GSDMC: variants seen among roughly 807,000 people sequenced by gnomAD.
GSDMC encodes gasdermin C.
Under a neutral mutation model 58.0 loss-of-function variants are expected in GSDMC, and 59 were observed. The ratio of observed to expected loss-of-function variants is 1.02; its 90% CI spans 0.82 to 1.26. The LOEUF is 1.26. Among genes scored for constraint, GSDMC ranks in the 50% most tolerant of loss-of-function variants. The pLI is 0.00. For missense variants in GSDMC, 659 were observed against 598.5 expected (o/e 1.10, Z -1.06); for synonymous variants, 241 against 220.2 (o/e 1.09, Z -0.83).
chr8:129,734,683 C>A, the GSDMC span, among the ~76,000 whole-genome samples: 1 of 152,184 alleles, frequency 6.6e-6, no homozygotes, highest in Non-Finnish European at 1.5e-5. Context: ...TGGAAAGGAA[C>A]AACTGGTACC....
At chr8:129,776,615 C>A (rs2034234708) in intron 2 of GSDMC, among the ~76,000 whole-genome samples, 1 of 152,172 alleles carries the variant, frequency 6.6e-6, no homozygotes, top group African/African-American at 2.4e-5. Flanking sequence ...GGCACAGCAC[C>A]CAGCAGCAGA....
rs146197094 is a variant in GSDMC at position 129,766,517 on chromosome 8, T to G, written c.405-724A>C. Among the ~76,000 whole-genome samples, 841 of 152,272 alleles carry G rather than the reference T, an allele frequency of 5.5e-3. 7 individuals are homozygous for G. The highest frequency in any genetic ancestry group is 0.02 in the African/African-American group (816 of 41,546). ...GTAGAGAAGGTTACTGCGCACACAA[T>G]ATTAGGTTTTGTCATTGCTGTCTTC... On this transcript the variant is annotated intron_variant, in intron 3 of 13. Transcript: ENST00000276708.
At chr8:129,725,689 G>A in the GSDMC span, among the ~76,000 whole-genome samples, 5 of 152,044 alleles carry the variant, frequency 3.3e-5, no homozygotes, top group Admixed American at 2.0e-4. Context: ...AGAAAAGCTT[G>A]TTGGGCATCA....
intron 11 of GSDMC, 53 bp from the exon 12 acceptor site, chr8:129,750,172 TA>T: frequency 2.9e-6 from 4 of 1,389,552 alleles, no homozygotes; most frequent in Non-Finnish European, 3.9e-6. Flanking sequence ...AGTAATGTTA[TA>T]TAATTTGCCT....
chr8:129,745,060 C>T (rs990456637), downstream of GSDMC, among the ~76,000 whole-genome samples: 2 of 152,082 alleles, frequency 1.3e-5, no homozygotes, highest in Admixed American at 6.6e-5. Context: ...GATTTCTTCC[C>T]ACTCCCTCTT....
chr8:129,711,343 T>C, the GSDMC span, among the ~76,000 whole-genome samples: 1 of 152,152 alleles, frequency 6.6e-6, no homozygotes, highest in South Asian at 2.1e-4. Flanking sequence ...CTCTTTCTTT[T>C]ACAGATGGGA....
the GSDMC span, chr8:129,728,669 G>T: frequency 2.9e-6 from 1 of 347,550 alleles, no homozygotes; most frequent in Non-Finnish European, 5.5e-6. Flanking sequence ...CAAGGATCAA[G>T]TATATACCCA....
chr8:129,736,323 AC>A, the GSDMC span, among the ~76,000 whole-genome samples: 2 of 152,214 alleles, frequency 1.3e-5, no homozygotes, highest in African/African-American at 2.4e-5. Flanking sequence ...AAAGCCTGGC[AC>A]AGATGCAACA....
chr8:129,729,320 T>A, the GSDMC span: 7 of 530,582 alleles, frequency 1.3e-5, no homozygotes, highest in Non-Finnish European at 2.5e-5. Flanking sequence ...TTTTTTTAAT[T>A]ATTATTATAC....
At chr8:129,737,883 G>A in the GSDMC span, among the ~76,000 whole-genome samples, 8 of 152,152 alleles carry the variant, frequency 5.3e-5, no homozygotes, top group African/African-American at 1.4e-4. Context: ...GCAACCTACA[G>A]AATGGGAGAA....
the GSDMC span, among the ~76,000 whole-genome samples, chr8:129,737,433 C>T: frequency 5.2e-3 from 796 of 152,212 alleles, 6 homozygotes; most frequent in Non-Finnish European, 7.0e-3. Flanking sequence ...GTACTGTTAC[C>T]AAAACAGAGA....
At chr8:129,771,076 C>G (rs1296264074) in intron 3 of GSDMC, among the ~76,000 whole-genome samples, 1 of 150,050 alleles carries the variant, frequency 6.7e-6, no homozygotes, top group Non-Finnish European at 1.5e-5. Context: ...ATAAAATGGA[C>G]TTAAGTCAAA....
intron 3 of GSDMC, among the ~76,000 whole-genome samples, chr8:129,773,483 T>G (rs2034124285): frequency 6.6e-6 from 1 of 152,110 alleles, no homozygotes; most frequent in Non-Finnish European, 1.5e-5. Flanking sequence ...CAATGAACTA[T>G]CTTTAAAACT....
At chr8:129,742,641 G>A in the GSDMC span, among the ~76,000 whole-genome samples, 1 of 151,944 alleles carries the variant, frequency 6.6e-6, no homozygotes, top group South Asian at 2.1e-4. Context: ...GCTGTTCTTG[G>A]GTTCCTCCTT....
Position 129,751,875 on chromosome 8 carries a change from G to A in GSDMC, c.903C>T (p.His301=), listed in dbSNP as rs1161470393. The A allele has an allele frequency of 1.1e-5, 17 of 1,597,458 alleles. No individual in the cohort carries two copies. Among genetic ancestry groups the A allele is most frequent in the African/African-American group, 1.3e-5 (1 of 74,548 alleles). ...ACTCACACTCACCTACTGGGAGGAT[G>A]TGAACTTGTTCGTATTCTAAAAAAA... ...SGHLPKYEQV[H]ILPVGRIEEP... The change falls in exon 9 of 14, where the codon CAC becomes CAT. Residue 301 remains histidine (H), a synonymous_variant. Coordinates refer to ENST00000276708, the MANE Select transcript of GSDMC (RefSeq NM_031415.3).
the GSDMC span, among the ~76,000 whole-genome samples, chr8:129,717,046 G>T: frequency 6.6e-6 from 1 of 152,076 alleles, no homozygotes; most frequent in Non-Finnish European, 1.5e-5. Context: ...TTTTTGCATT[G>T]ATGTTCTTCA....
At chr8:129,782,011 A>G (rs992123567) in intron 1 of GSDMC, among the ~76,000 whole-genome samples, 1 of 152,208 alleles carries the variant, frequency 6.6e-6, no homozygotes, top group Non-Finnish European at 1.5e-5. Flanking sequence ...GAAATAATAT[A>G]ACGTATCTTC....
the GSDMC span, among the ~76,000 whole-genome samples, chr8:129,734,911 G>A: frequency 6.6e-6 from 1 of 152,222 alleles, no homozygotes; most frequent in South Asian, 2.1e-4. Flanking sequence ...CTGTATTCAG[G>A]ACACCCATCT....
At chr8:129,770,602 C>T (rs182301653) in intron 3 of GSDMC, among the ~76,000 whole-genome samples, 12 of 152,064 alleles carry the variant, frequency 7.9e-5, no homozygotes, top group African/African-American at 2.9e-4. Flanking sequence ...TTATGTAAGC[C>T]TCATTGTAAC....
Sources: allele counts gnomAD v4.1 joint callset (sites outside exome capture counted in the v4.1 genomes callset), GRCh38; gene constraint gnomAD v4.1.1; transcripts MANE v1.5; gene names NCBI Gene and HGNC (gene_info 2026-07-23, HGNC 2026-07-21).